Variants in RBMXL2 observed in about 807,000 individuals in gnomAD.
RBMXL2 encodes the protein RNA-binding motif protein, X-linked-like-2.
RBMXL2 carries 2 observed loss-of-function variants against 1.0 expected under a neutral mutation model. The observed-to-expected ratio is 2.05, with a 90% CI of 0.84 to 6.44. The LOEUF is 6.44. Ranked by LOEUF, RBMXL2 falls within the 30% of genes most tolerant of loss-of-function variation. RBMXL2 has a pLI of 0.05. For synonymous variants in RBMXL2, 313 were observed against 267.9 expected, an observed-to-expected ratio of 1.17 and a Z score of -1.64; for missense variants, 658 against 608.5, an observed-to-expected ratio of 1.08 and a Z score of -0.85.
rs2119494562 is a variant in RBMXL2, at chr11:7,090,378, A to G, written c.*79A>G. 6.9e-7 allele frequency: 1 copy of G among 1,447,814 alleles called. No homozygotes were observed. Among genetic ancestry groups the G allele is most frequent in the Non-Finnish European group, 9.5e-7 (1 of 1,055,334 alleles). The allele number at this position is 1,447,814 out of a possible 1,614,324, so 89.7% of individuals were successfully genotyped here. A position where few individuals can be genotyped will look rare whatever the true frequency, so the allele number is the denominator to read the frequency against. Reference sequence around the variant, plus strand: ...AGAACCTGTTGTATGGTAACTACCCAAGGACTAGTACAAGGAAGAGTTGTT... The same window carrying G: ...AGAACCTGTTGTATGGTAACTACCCGAGGACTAGTACAAGGAAGAGTTGTT... On this transcript the variant is annotated 3_prime_UTR_variant, in exon 1 of 1. Transcript: ENST00000306904.
Position 7,089,791 on chromosome 11 carries a change from A to G in RBMXL2, c.671A>G (p.Asp224Gly). 1.3e-6 allele frequency: 2 copies of G among 1,599,802 alleles called. No individual in the cohort carries two copies. The highest frequency in any genetic ancestry group is 1.7e-6 in the Non-Finnish European group (2 of 1,178,042). The change falls in exon 1 of 1, where the codon GAC (aspartate) becomes GGC (glycine). Residue 224 changes from aspartate (D) to glycine (G), a missense_variant. Coordinates refer to ENST00000306904, the MANE Select transcript of RBMXL2 (RefSeq NM_014469.5). ...YSSRDGYSSR[D>G]YREPRGFAPS... is the part of the protein sequence containing the mutation. Reference sequence around the variant, plus strand: ...TCCAGAGACGGCTACTCGAGCCGAGACTACCGCGAACCCCGGGGTTTTGCC... The same window carrying G: ...TCCAGAGACGGCTACTCGAGCCGAGGCTACCGCGAACCCCGGGGTTTTGCC...
chr11:7,089,780 C>T lies in RBMXL2; in HGVS notation c.660C>T (p.Tyr220=). 7 of 1,591,500 alleles carry T rather than the reference C, an allele frequency of 4.4e-6. No individual in the cohort carries two copies. Among genetic ancestry groups the T allele is most frequent in the South Asian group, 1.1e-5 (1 of 89,596 alleles). Residue 220 remains tyrosine (Y), a synonymous_variant, in exon 1 of 1, where the codon TAC becomes TAT. Transcript: ENST00000306904. The stretch of plus-strand genomic sequence containing the variant: ...AGGGCTACTCGTCCAGAGACGGCTA[C>T]TCGAGCCGAGACTACCGCGAACCCC... ...RDEGYSSRDG[Y]SSRDYREPRG...
Position 7,089,696 on chromosome 11 carries a change from C to T in RBMXL2, c.576C>T (p.Gly192=). ...LAVRGRDGYS[G]PPRREPLPPR... is the part of the protein sequence containing the mutation. ...TGCGGGGGCGAGACGGCTACTCAGGCCCACCGCGCCGGGAGCCGCTGCCCC... is the reference window on the plus strand; with the variant it reads ...TGCGGGGGCGAGACGGCTACTCAGGTCCACCGCGCCGGGAGCCGCTGCCCC... The change falls in exon 1 of 1, where the codon GGC becomes GGT. Residue 192 remains glycine, a synonymous_variant. Coordinates refer to ENST00000306904, the MANE Select transcript of RBMXL2 (RefSeq NM_014469.5). The T allele has an allele frequency of 2.6e-6, 4 of 1,516,522 alleles. No homozygotes were observed. Among genetic ancestry groups the T allele is most frequent in the South Asian group, 1.2e-5 (1 of 82,612 alleles). 93.9% of individuals were successfully genotyped at this position (1,516,522 alleles called of 1,614,324 possible).
Position 7,089,822 on chromosome 11 carries a change from G to T in RBMXL2, c.702G>T (p.Ser234=), listed in dbSNP as rs1190794791. 1 of 1,608,470 alleles carries T rather than the reference G, an allele frequency of 6.2e-7. No homozygotes were observed. Among genetic ancestry groups the T allele is most frequent in the Admixed American group, 1.7e-5 (1 of 59,968 alleles). The change falls in exon 1 of 1, where the codon TCG becomes TCT. Residue 234 remains serine (S), a synonymous_variant. Transcript: ENST00000306904. The stretch of plus-strand genomic sequence containing the variant: ...GCGAACCCCGGGGTTTTGCCCCCTC[G>T]CCCGGAGAGTACACCCACCGCGATT... ...DYREPRGFAP[S]PGEYTHRDYG... is the part of the protein sequence containing the mutation.
rs1049640935 is a variant in RBMXL2 at position 7,089,048 on chromosome 11, C to T, written c.-73C>T. The T allele has an allele frequency of 1.1e-5, 17 of 1,527,800 alleles. No homozygotes were observed. The highest frequency in any genetic ancestry group is 1.4e-5 in the African/African-American group (1 of 72,948). The allele number at this position is 1,527,800 out of a possible 1,614,324, so 94.6% of individuals were successfully genotyped here. On this transcript the variant is annotated 5_prime_UTR_variant, in exon 1 of 1. Coordinates refer to ENST00000306904, the MANE Select transcript of RBMXL2 (RefSeq NM_014469.5). ...ACCAGTAGGAGCCGCCCTCGACGAG[C>T]GAGCTCGAAGGCTGCGACTGGCGCC... is the stretch of plus-strand genomic sequence containing the variant.
Position 7,090,115 on chromosome 11 carries a change from G to A in RBMXL2, c.995G>A (p.Arg332Gln), listed in dbSNP as rs373944375. ...GRDSYSSSYG[R>Q]SDRYSRGRHR... ...GACAGTTACAGCAGCAGTTATGGCC[G>A]GAGCGACCGCTACTCGAGGGGCCGA... The change falls in exon 1 of 1, where the codon CGG (arginine) becomes CAG (glutamine). Residue 332 changes from arginine to glutamine, a missense_variant. By Grantham distance (43) the Arg-to-Gln change is conservative. Transcript: ENST00000306904. The A allele has an allele frequency of 2.6e-5, 42 of 1,612,180 alleles. No homozygotes were observed. The Middle Eastern group carries it at 8.2e-4, about 32-fold the overall frequency.
At position 7,089,999 on chromosome 11, in the gene RBMXL2, C is replaced by T; in HGVS notation, c.879C>T (p.Ala293=). 1.2e-6 allele frequency: 2 copies of T among 1,613,090 alleles called. No individual in the cohort carries two copies. The highest frequency in any genetic ancestry group is 1.7e-5 in the Admixed American group (1 of 60,016). ...GCTACGGAGAGCTGCGCGGCGCCGC[C>T]CCAGGACGGGGGACACCGCCATCTT... ...FESYGELRGA[A]PGRGTPPSYG... Residue 293 remains alanine, a synonymous_variant, in exon 1 of 1, where the codon GCC becomes GCT. Transcript: ENST00000306904.
chr11:7,089,055 G>C lies in RBMXL2; in HGVS notation c.-66G>C. 6.4e-7 allele frequency: 1 copy of C among 1,554,928 alleles called. No individual in the cohort carries two copies. Among genetic ancestry groups the C allele is most frequent in the Non-Finnish European group, 8.8e-7 (1 of 1,140,064 alleles). On this transcript the variant is annotated 5_prime_UTR_variant, in exon 1 of 1. Transcript: ENST00000306904. ...GGAGCCGCCCTCGACGAGCGAGCTC[G>C]AAGGCTGCGACTGGCGCCGCCTCAC...
Position 7,090,326 on chromosome 11 carries a change from C to T in RBMXL2, c.*27C>T, listed in dbSNP as rs189411224. 1 of 1,560,660 alleles carries T rather than the reference C, an allele frequency of 6.4e-7. No homozygotes were observed. Among genetic ancestry groups the T allele is most frequent in the African/African-American group, 1.4e-5 (1 of 73,922 alleles). ...CAGGAACAGACTTGGGACCAAAAAT[C>T]CCTTTTCAACGAAACTAACAAAAAG... On this transcript the variant is annotated 3_prime_UTR_variant, in exon 1 of 1. Coordinates refer to ENST00000306904, the MANE Select transcript of RBMXL2 (RefSeq NM_014469.5).
rs1336362112 is a variant in RBMXL2 at position 7,089,999 on chromosome 11, C to G, written c.879C>G (p.Ala293=). ...GCTACGGAGAGCTGCGCGGCGCCGC[C>G]CCAGGACGGGGGACACCGCCATCTT... The part of the protein sequence containing the change: ...FESYGELRGA[A]PGRGTPPSYG... The change falls in exon 1 of 1, where the codon GCC becomes GCG. Residue 293 remains alanine, a synonymous_variant. Transcript: ENST00000306904. 6.2e-7 allele frequency: 1 copy of G among 1,613,090 alleles called. No homozygotes were observed. The highest frequency in any genetic ancestry group is 1.7e-5 in the Admixed American group (1 of 60,016).
rs572923473 is a variant in RBMXL2, at chr11:7,090,541, G to A, written c.*242G>A. ...GCTCCTGTTAAAAGTATATGAACCT[G>A]AGTACTAGTCTTCTTACATTTACAA... On this transcript the variant is annotated 3_prime_UTR_variant, in exon 1 of 1. Coordinates refer to ENST00000306904, the MANE Select transcript of RBMXL2 (RefSeq NM_014469.5). 5.3e-6 allele frequency: 3 copies of A among 570,732 alleles called. No individual in the cohort carries two copies. Among genetic ancestry groups the A allele is most frequent in the East Asian group, 3.2e-5 (1 of 31,388 alleles). The allele number at this position is 570,732 out of a possible 1,614,324, so 35.4% of individuals were successfully genotyped here.
rs753332504 is a variant in RBMXL2, at chr11:7,089,104, C to G, written c.-17C>G. ...ACCGCCTCCCACCGCCACTGACCGACCGTTCGACCGGCAAACATGGTTGAA... is the reference window on the plus strand; with the variant it reads ...ACCGCCTCCCACCGCCACTGACCGAGCGTTCGACCGGCAAACATGGTTGAA... On this transcript the variant is annotated 5_prime_UTR_variant, in exon 1 of 1. Transcript: ENST00000306904. 1.2e-6 allele frequency: 2 copies of G among 1,610,628 alleles called. No homozygotes were observed. Among genetic ancestry groups the G allele is most frequent in the East Asian group, 2.2e-5 (1 of 44,782 alleles).
Position 7,089,701 on chromosome 11 carries a change from C to A in RBMXL2, c.581C>A (p.Pro194Gln). The A allele has an allele frequency of 6.6e-7, 1 of 1,520,086 alleles. No individual in the cohort carries two copies. Among genetic ancestry groups the A allele is most frequent in the South Asian group, 1.2e-5 (1 of 83,234 alleles). 94.2% of individuals were successfully genotyped at this position (1,520,086 alleles called of 1,614,324 possible). ...GGGCGAGACGGCTACTCAGGCCCAC[C>A]GCGCCGGGAGCCGCTGCCCCCGCGC... ...VRGRDGYSGPPRREPLPPRRD... is the reference protein window; with the variant it reads ...VRGRDGYSGPQRREPLPPRRD... Residue 194 changes from proline to glutamine, a missense_variant, in exon 1 of 1, where the codon CCG (proline) becomes CAG (glutamine). Physicochemically the swap from Pro to Gln is moderately conservative, Grantham distance 76 (BLOSUM62 -1). Coordinates refer to ENST00000306904, the MANE Select transcript of RBMXL2 (RefSeq NM_014469.5).
Position 7,089,063 on chromosome 11 carries a change from C to A in RBMXL2, c.-58C>A. On this transcript the variant is annotated 5_prime_UTR_variant, in exon 1 of 1. Transcript: ENST00000306904. ...CCTCGACGAGCGAGCTCGAAGGCTGCGACTGGCGCCGCCTCACCGCCTCCC... is the reference window on the plus strand; with the variant it reads ...CCTCGACGAGCGAGCTCGAAGGCTGAGACTGGCGCCGCCTCACCGCCTCCC... The A allele has an allele frequency of 1.3e-6, 2 of 1,567,656 alleles. No individual in the cohort carries two copies. The highest frequency in any genetic ancestry group is 1.7e-6 in the Non-Finnish European group (2 of 1,148,858).
Position 7,089,822 on chromosome 11 carries a change from G to C in RBMXL2, c.702G>C (p.Ser234=). ...GCGAACCCCGGGGTTTTGCCCCCTC[G>C]CCCGGAGAGTACACCCACCGCGATT... The part of the protein sequence containing the change: ...DYREPRGFAP[S]PGEYTHRDYG... The change falls in exon 1 of 1, where the codon TCG becomes TCC. Residue 234 remains serine, a synonymous_variant. Transcript: ENST00000306904. 5 of 1,608,472 alleles carry C rather than the reference G, an allele frequency of 3.1e-6. No individual in the cohort carries two copies. The highest frequency in any genetic ancestry group is 4.2e-6 in the Non-Finnish European group (5 of 1,179,596).
rs980196402 is a variant in RBMXL2 at position 7,089,004 on chromosome 11, G to A, written c.-117G>A. 2 of 1,246,712 alleles carry A rather than the reference G, an allele frequency of 1.6e-6. No homozygotes were observed. The highest frequency in any genetic ancestry group is 2.6e-5 in the East Asian group (1 of 39,124). 77.2% of individuals were successfully genotyped at this position (1,246,712 alleles called of 1,614,324 possible). Reference sequence around the variant, plus strand: ...GCTCCGGCTGCGGTTCCGTGGACTCGGCGACTAGGCGCCGCCTGACCAGTA... The same window carrying A: ...GCTCCGGCTGCGGTTCCGTGGACTCAGCGACTAGGCGCCGCCTGACCAGTA... On this transcript the variant is annotated 5_prime_UTR_variant, in exon 1 of 1. Coordinates refer to ENST00000306904, the MANE Select transcript of RBMXL2 (RefSeq NM_014469.5).
chr11:7,090,138 C>T lies in RBMXL2; in HGVS notation c.1018C>T (p.Arg340Ter), dbSNP rs1853104127. ...CCGGAGCGACCGCTACTCGAGGGGC[C>T]GACACCGGGTGGGCAGACCAGATCG... ...YGRSDRYSRGRHRVGRPDRGL... is the reference protein window; with the variant it reads ...YGRSDRYSRG The change falls in exon 1 of 1, where the codon CGA (arginine) becomes TGA (stop). Residue 340 changes from arginine to a stop codon, truncating the protein, a stop_gained. Transcript: ENST00000306904. LOFTEE classifies it low-confidence loss of function (END_TRUNC). 6.2e-7 allele frequency: 1 copy of T among 1,613,268 alleles called. No homozygotes were observed. The highest frequency in any genetic ancestry group is 8.5e-7 in the Non-Finnish European group (1 of 1,179,674).
Position 7,089,546 on chromosome 11 carries a change from C to A in RBMXL2, c.426C>A (p.Ser142=). The A allele has an allele frequency of 8.3e-7, 1 of 1,203,586 alleles. No homozygotes were observed. 74.6% of individuals were successfully genotyped at this position (1,203,586 alleles called of 1,614,324 possible). Residue 142 remains serine (S), a synonymous_variant, in exon 1 of 1, where the codon TCC becomes TCA. Coordinates refer to ENST00000306904, the MANE Select transcript of RBMXL2 (RefSeq NM_014469.5). ...CGGCGGATTTCGACCTGCGGCCCTCCAGGGCCCCGATGCCCATGAAGCGTG... is the reference window on the plus strand; with the variant it reads ...CGGCGGATTTCGACCTGCGGCCCTCAAGGGCCCCGATGCCCATGAAGCGTG... ...GYTADFDLRP[S]RAPMPMKRGP... is the part of the protein sequence containing the mutation.
At position 7,090,552 on chromosome 11, in the gene RBMXL2, T is replaced by G; in HGVS notation, c.*253T>G. On this transcript the variant is annotated 3_prime_UTR_variant, in exon 1 of 1. Coordinates refer to ENST00000306904, the MANE Select transcript of RBMXL2 (RefSeq NM_014469.5). ...AAGTATATGAACCTGAGTACTAGTC[T>G]TCTTACATTTACAAGTAGAAATTCG... 1.9e-6 allele frequency: 1 copy of G among 531,736 alleles called. No individual in the cohort carries two copies. The highest frequency in any genetic ancestry group is 3.4e-6 in the Non-Finnish European group (1 of 290,244). The allele number at this position is 531,736 out of a possible 1,614,324, so 32.9% of individuals were successfully genotyped here. A position where few individuals can be genotyped will look rare whatever the true frequency, so the allele number is the denominator to read the frequency against.
Sources: gnomAD v4.1 joint callset for allele counts on GRCh38, gnomAD v4.1.1 for gene constraint, MANE v1.5 for transcripts, NCBI Gene and HGNC (gene_info 2026-07-23, HGNC 2026-07-21) for gene names.